The following SRPRB variants were observed in gnomAD, a reference collection of about 807,000 sequenced individuals.
SRPRB encodes signal recognition particle receptor subunit beta.
Under a neutral mutation model 31.9 loss-of-function variants are expected in SRPRB, and 20 were observed. The observed-to-expected ratio is 0.63, with a 90% CI of 0.44 to 0.91. The LOEUF (loss-of-function observed/expected upper bound fraction) is 0.91. SRPRB is among the 40% of genes least tolerant of loss of function. The pLI is 0.00. For missense variants in SRPRB, 321 were observed against 324.9 expected, an observed-to-expected ratio of 0.99 and a Z score of 0.09; for synonymous variants, 146 against 132.8, an observed-to-expected ratio of 1.10 and a Z score of -0.68.
intron 1 of SRPRB, among the ~76,000 whole-genome samples, chr3:133,800,410 G>A (rs1935044444): frequency 6.6e-6 from 1 of 152,182 alleles, no homozygotes; most frequent in Non-Finnish European, 1.5e-5. Context: ...AGTCAGCTCT[G>A]AAGTGGAGCT....
intron 4 of SRPRB, among the ~76,000 whole-genome samples, chr3:133,813,628 C>A (rs1935313231): frequency 6.6e-6 from 1 of 152,034 alleles, no homozygotes. Flanking sequence ...TAATTTTAAA[C>A]ATTTACTTTA....
chr3:133,787,376 G>C (rs976868312), intron 1 of SRPRB: 3 of 152,118 alleles, frequency 2.0e-5, no homozygotes, highest in African/African-American at 7.2e-5. Context: ...GAGTGAGGAA[G>C]GACTGGTTCA....
At chr3:133,815,514 G>A (rs1935349985) in intron 4 of SRPRB, 76 bp from the exon 5 acceptor site, 13 of 1,575,894 alleles carry the variant, frequency 8.2e-6, no homozygotes, top group Non-Finnish European at 1.1e-5. Flanking sequence ...CTTTGAAGAA[G>A]TTCAGGATAG....
downstream of SRPRB, chr3:133,827,570 G>A (rs1935585158): frequency 3.4e-6 from 1 of 298,426 alleles, no homozygotes; most frequent in Non-Finnish European, 6.3e-6. Context: ...ACATCCTCAG[G>A]TGACCACAGC....
At chr3:133,788,334 T>C (rs546956111) in intron 1 of SRPRB, 3 of 152,346 alleles carry the variant, frequency 2.0e-5, no homozygotes, top group African/African-American at 7.2e-5. Context: ...ACATAAGGCA[T>C]ATACCAAGTA....
intron 1 of SRPRB, among the ~76,000 whole-genome samples, chr3:133,798,780 C>CAAACTGTAAACTGT: frequency 6.6e-6 from 1 of 152,236 alleles, no homozygotes; most frequent in Middle Eastern, 3.4e-3. Flanking sequence ...AAGGACAAGT[C>CAAACTGTAAACTGT]AAACTGTAAA....
At chr3:133,804,405 C>T (rs993151664), upstream of SRPRB, among the ~76,000 whole-genome samples, 1 of 151,970 alleles carries the variant, frequency 6.6e-6, no homozygotes, top group Non-Finnish European at 1.5e-5. Flanking sequence ...CTACGCATGC[C>T]ATAGTCAACT....
rs1553742159 is a variant in SRPRB, at chr3:133,786,234, A to AC, written c.-174+2090_-174+2091insC. Reference sequence around the variant, plus strand: ...TAAAAAAATAAATTAAAAAAAAAAAAAAAAAACAATACTATTTTTTGAACT... The same window carrying AC: ...TAAAAAAATAAATTAAAAAAAAAAAACAAAAAACAATACTATTTTTTGAACT... On this transcript the variant is annotated intron_variant, in intron 1 of 7. Coordinates refer to the SRPRB transcript ENST00000466490. The AC allele has an allele frequency of 2.6e-5, 2 of 77,300 alleles. 1 individual carries two copies. Among genetic ancestry groups the AC allele is most frequent in the Non-Finnish European group, 6.5e-5 (2 of 30,536 alleles). The allele number at this position is 77,300 out of a possible 1,614,324, so 4.8% of individuals were successfully genotyped here. A position where few individuals can be genotyped will look rare whatever the true frequency, so the allele number is the denominator to read the frequency against.
At chr3:133,811,642 G>C (rs1041430110) in intron 4 of SRPRB, among the ~76,000 whole-genome samples, 4 of 151,352 alleles carry the variant, frequency 2.6e-5, no homozygotes, top group Admixed American at 6.6e-5. Context: ...GAGTGCAGTG[G>C]TGTGATCTCG....
chr3:133,819,471 G>A (rs1214169230), intron 6 of SRPRB, 82 bp from the exon 7 acceptor site: 2 of 1,311,242 alleles, frequency 1.5e-6, no homozygotes, highest in East Asian at 4.8e-5. Flanking sequence ...TTTTAAATGA[G>A]TGCTGAAATG....
intron 1 of SRPRB, chr3:133,791,124 T>G (rs1934821298): frequency 1.3e-5 from 2 of 152,236 alleles, no homozygotes; most frequent in Admixed American, 1.3e-4. Context: ...TATGCATTTC[T>G]AGCAAGTCAT....
chr3:133,798,386 T>C (rs1372001382), intron 1 of SRPRB, among the ~76,000 whole-genome samples: 1 of 152,238 alleles, frequency 6.6e-6, no homozygotes, highest in East Asian at 1.9e-4. Context: ...ATATGCCTTC[T>C]TGCTAATATT....
upstream of SRPRB, among the ~76,000 whole-genome samples, chr3:133,805,210 GCCC>G (rs1935128044): frequency 6.6e-6 from 1 of 152,176 alleles, no homozygotes; most frequent in Non-Finnish European, 1.5e-5. Flanking sequence ...TGAGTTTGCA[GCCC>G]TAGATTGACA....
intron 2 of SRPRB, 127 bp from the exon 3 acceptor site, chr3:133,807,619 G>A (rs1935186232): frequency 1.1e-5 from 7 of 648,644 alleles, no homozygotes; most frequent in Non-Finnish European, 1.6e-5. Flanking sequence ...AATCAATATC[G>A]TCTTTTTCAC....
In SRPRB at chr3:133,807,831, G is replaced by A; in HGVS notation, c.327+8G>A. 1 of 1,601,030 alleles carries A rather than the reference G, an allele frequency of 6.2e-7. No individual in the cohort carries two copies. Among genetic ancestry groups the A allele is most frequent in the Non-Finnish European group, 8.5e-7 (1 of 1,175,540 alleles). On this transcript the variant is annotated splice_region_variant and intron_variant, in intron 3 of 6. Coordinates refer to ENST00000678299, the MANE Select transcript of SRPRB (RefSeq NM_001379313.1). ...AGAGTCAACAATAACAGGGTAAGAT[G>A]TTTGTGGAGTTTTGGAGTCTGACAG...
At chr3:133,789,957 A>C (rs1481871003) in intron 1 of SRPRB, 2 of 145,298 alleles carry the variant, frequency 1.4e-5, no homozygotes, top group Non-Finnish European at 3.0e-5. Context: ...GGTTACTGGC[A>C]AAAATACGTA....
chr3:133,800,720 AG>A (rs976966070), intron 1 of SRPRB, among the ~76,000 whole-genome samples: 1 of 152,220 alleles, frequency 6.6e-6, no homozygotes, highest in Non-Finnish European at 1.5e-5. Context: ...AAACCCGCTA[AG>A]GCAGGGATGT....
At chr3:133,807,846 G>A in intron 3 of SRPRB, 23 bp downstream of exon 3, 1 of 1,576,076 alleles carries the variant, frequency 6.3e-7, no homozygotes, top group Non-Finnish European at 8.7e-7. Context: ...TGGAGTTTTG[G>A]AGTCTGACAG....
At chr3:133,803,827 CTAAT>C (rs1303325455), upstream of SRPRB, among the ~76,000 whole-genome samples, 2 of 151,698 alleles carry the variant, frequency 1.3e-5, no homozygotes, top group Non-Finnish European at 2.9e-5. Flanking sequence ...CCATGCCTGG[CTAAT>C]TATTTTTTAA....
Sources: allele counts gnomAD v4.1 joint callset (sites outside exome capture counted in the v4.1 genomes callset), GRCh38; gene constraint gnomAD v4.1.1; transcripts MANE v1.5; gene names NCBI Gene and HGNC (gene_info 2026-07-23, HGNC 2026-07-21).